Variants in FGF12 observed in about 807,000 individuals in gnomAD.
The protein encoded by FGF12 is fibroblast growth factor 12.
A neutral mutation model predicts 23.6 loss-of-function variants in FGF12; 14 were observed. The observed-to-expected ratio is 0.59, with a 90% CI of 0.39 to 0.93. FGF12 has a LOEUF of 0.93. Among genes scored for constraint, FGF12 ranks in the 40% least tolerant of loss-of-function variants. The pLI is 0.00. For synonymous variants in FGF12, 62 were observed against 77.3 expected (o/e 0.80, Z 1.04); for missense variants, 175 against 217.8 (o/e 0.80, Z 1.24).
At chr3:192,277,384 T>G (rs1713856851) in intron 4 of FGF12, among the ~76,000 whole-genome samples, 1 of 152,040 alleles carries the variant, frequency 6.6e-6, no homozygotes, top group African/African-American at 2.4e-5. Context: ...GAAAGCATTC[T>G]GTAAAGATTT....
intron 2 of FGF12, among the ~76,000 whole-genome samples, chr3:192,583,539 C>A (rs1166547221): frequency 6.6e-6 from 1 of 151,988 alleles, no homozygotes; most frequent in Non-Finnish European, 1.5e-5. Flanking sequence ...CATATAATAG[C>A]AGAAAAAGAC....
intron 2 of FGF12, among the ~76,000 whole-genome samples, chr3:192,541,417 T>C (rs193156799): frequency 6.6e-6 from 1 of 152,318 alleles, no homozygotes; most frequent in African/African-American, 2.4e-5. Flanking sequence ...TAAAAGTTTA[T>C]ATTTTAATTG....
chr3:192,238,340 G>T (rs983564231), intron 4 of FGF12: 8 of 152,570 alleles, frequency 5.2e-5, no homozygotes, highest in African/African-American at 1.4e-4. Context: ...GCATCAGTAG[G>T]GGGAGGCTGA....
chr3:192,446,576 G>C (rs1275879500), intron 2 of FGF12, among the ~76,000 whole-genome samples: 1 of 152,178 alleles, frequency 6.6e-6, no homozygotes, highest in African/African-American at 2.4e-5. Context: ...GGTCTTTAAA[G>C]ATGCATAGTC....
intron 3 of FGF12, among the ~76,000 whole-genome samples, chr3:192,344,775 T>C (rs573117860): frequency 6.6e-6 from 1 of 152,322 alleles, no homozygotes; most frequent in South Asian, 2.1e-4. Flanking sequence ...TCATATAACC[T>C]TTCCTATGAT....
chr3:192,520,833 T>G (rs145835811), intron 2 of FGF12, among the ~76,000 whole-genome samples: 2 of 152,312 alleles, frequency 1.3e-5, no homozygotes, highest in African/African-American at 4.8e-5. Flanking sequence ...ATCTTGCCTG[T>G]GTTTCTTTTG....
At position 192,203,146 on chromosome 3, in the gene FGF12, T is replaced by A. The variant is rs772779906; in HGVS notation, c.229-32490A>T. Among the ~76,000 whole-genome samples, 78 of 152,144 alleles carry A rather than the reference T, an allele frequency of 5.1e-4. 3 individuals carry two copies. The highest frequency in any genetic ancestry group is 4.6e-4 in the Admixed American group (7 of 15,276). On this transcript the variant is annotated intron_variant, in intron 4 of 5. Coordinates refer to ENST00000445105, the MANE Select transcript of FGF12 (RefSeq NM_004113.6). ...AGCATTAAATATTTGTGTGTGTGTGTGTGTGTGTGTGTGTACATGCACACT... is the reference window on the plus strand; with the variant it reads ...AGCATTAAATATTTGTGTGTGTGTGAGTGTGTGTGTGTGTACATGCACACT...
At chr3:192,241,779 C>A (rs1719630231) in intron 4 of FGF12, among the ~76,000 whole-genome samples, 2 of 152,144 alleles carry the variant, frequency 1.3e-5, no homozygotes. Context: ...GTGTCCCGAG[C>A]ACCTGGAACA....
intron 4 of FGF12, among the ~76,000 whole-genome samples, chr3:192,260,506 G>C (rs986726750): frequency 1.3e-5 from 2 of 152,116 alleles, no homozygotes; most frequent in Non-Finnish European, 2.9e-5. Context: ...AATCAACCCA[G>C]CGGATACCAT....
chr3:192,339,887 A>G lies in FGF12; in HGVS notation c.125-4423T>C, dbSNP rs1232739633. On this transcript the variant is annotated intron_variant, in intron 3 of 5. Coordinates refer to ENST00000445105, the MANE Select transcript of FGF12 (RefSeq NM_004113.6). The stretch of plus-strand genomic sequence containing the variant: ...TACATGTACACAGCTTTATTAAATA[A>G]ATGTTATTATATGGGTTATGACAAA... Among the ~76,000 whole-genome samples the G allele has an allele frequency of 2.0e-5, 3 of 152,160 alleles. No homozygotes were observed. The East Asian group carries it at 5.8e-4, about 29-fold the overall frequency.
chr3:192,319,753 T>A (rs1716432370), intron 4 of FGF12, among the ~76,000 whole-genome samples: 1 of 152,206 alleles, frequency 6.6e-6, no homozygotes, highest in African/African-American at 2.4e-5. Flanking sequence ...CTTTGTTAGT[T>A]TGTTTATGCA....
chr3:192,483,774 A>G (rs1723546354), intron 2 of FGF12, among the ~76,000 whole-genome samples: 1 of 152,098 alleles, frequency 6.6e-6, no homozygotes, highest in Non-Finnish European at 1.5e-5. Flanking sequence ...ATATATAAGC[A>G]GTACCCTAGA....
chr3:192,414,654 C>T (rs187294503), intron 2 of FGF12, among the ~76,000 whole-genome samples: 6 of 152,242 alleles, frequency 3.9e-5, no homozygotes, highest in South Asian at 2.1e-4. Context: ...GTAATGTGAT[C>T]GCCCAAGGTC....
intron 3 of FGF12, among the ~76,000 whole-genome samples, chr3:192,350,995 T>C (rs1194194451): frequency 6.6e-6 from 1 of 152,158 alleles, no homozygotes; most frequent in Non-Finnish European, 1.5e-5. Context: ...AATAGGGGTA[T>C]TGAGAATTGC....
In FGF12 at chr3:192,408,438, A is replaced by C; in HGVS notation, c.14-47900T>G. 3 of 1,375,750 alleles carry C rather than the reference A, an allele frequency of 2.2e-6. No homozygotes were observed. Among genetic ancestry groups the C allele is most frequent in the Non-Finnish European group, 2.8e-6 (3 of 1,070,284 alleles). The allele number at this position is 1,375,750 out of a possible 1,614,324, so 85.2% of individuals were successfully genotyped here. On this transcript the variant is annotated intron_variant, in intron 2 of 5. Coordinates refer to ENST00000445105, the MANE Select transcript of FGF12 (RefSeq NM_004113.6). The surrounding 1 kb of genome is among the most constrained non-coding windows in gnomAD (Gnocchi z 7.3). Reference sequence around the variant, plus strand: ...AAAATGTGTGAAAATCCAGATGTAAACTTCCCCAACCTCTGGCGGCCGGGG... The same window carrying C: ...AAAATGTGTGAAAATCCAGATGTAACCTTCCCCAACCTCTGGCGGCCGGGG...
chr3:192,360,398 A>T lies in FGF12; in HGVS notation c.124+30T>A. The T allele has an allele frequency of 6.9e-7, 1 of 1,453,310 alleles. No homozygotes were observed. The highest frequency in any genetic ancestry group is 9.7e-7 in the Non-Finnish European group (1 of 1,034,040). The allele number at this position is 1,453,310 out of a possible 1,614,324, so 90.0% of individuals were successfully genotyped here. A position where few individuals can be genotyped will look rare whatever the true frequency, so the allele number is the denominator to read the frequency against. On this transcript the variant is annotated intron_variant, in intron 3 of 5. Coordinates refer to ENST00000445105, the MANE Select transcript of FGF12 (RefSeq NM_004113.6). The surrounding 1 kb of genome is among the most constrained non-coding windows in gnomAD (Gnocchi z 4.3). ...CACTGGGCCCTACATTTGATTTGTA[A>T]TCAGATTGTAAGAAGCTAATGTTTC...
chr3:192,699,379 C>T (rs540643243), intron 2 of FGF12, among the ~76,000 whole-genome samples: 1 of 152,282 alleles, frequency 6.6e-6, no homozygotes, highest in African/African-American at 2.4e-5. Flanking sequence ...AATCATGGCT[C>T]TCAAAAAGCT....
intron 4 of FGF12, among the ~76,000 whole-genome samples, chr3:192,178,165 T>A (rs1017780676): frequency 6.6e-6 from 1 of 152,138 alleles, no homozygotes; most frequent in African/African-American, 2.4e-5. Flanking sequence ...AAAAAAGAAA[T>A]GCCAAATTAC....
chr3:192,350,423 T>G (rs1227539159), intron 3 of FGF12, among the ~76,000 whole-genome samples: 1 of 152,166 alleles, frequency 6.6e-6, no homozygotes. Flanking sequence ...GTAGGTATAT[T>G]AGATAGTGGT....
Sources: allele counts gnomAD v4.1 joint callset (sites outside exome capture counted in the v4.1 genomes callset), GRCh38; gene constraint gnomAD v4.1.1; non-coding constraint Gnocchi (gnomAD v3.1); transcripts MANE v1.5; gene names NCBI Gene and HGNC (gene_info 2026-07-23, HGNC 2026-07-21).